Variants in LRRC4C observed in about 807,000 individuals in gnomAD.
LRRC4C encodes leucine rich repeat containing 4C.
In LRRC4C, 5 loss-of-function variants were observed where a neutral mutation model predicts 33.6. The ratio of observed to expected loss-of-function variants is 0.15; its 90% CI spans 0.08 to 0.31. The LOEUF is 0.31. LRRC4C is among the 10% of genes least tolerant of loss of function. LRRC4C has a pLI of 1.00. For missense variants in LRRC4C, 560 were observed against 796.7 expected (o/e 0.70, Z 3.58); for synonymous variants, 329 against 302.0 (o/e 1.09, Z -0.93).
intron 1 of LRRC4C, among the ~76,000 whole-genome samples, chr11:41,118,907 ATC>A (rs1352740554): frequency 1.1e-4 from 16 of 143,674 alleles, no homozygotes; most frequent in Middle Eastern, 3.5e-3. Context: ...TCCTTTTCTT[ATC>A]TTTTTTTTTC....
intron 6 of LRRC4C, among the ~76,000 whole-genome samples, chr11:40,139,936 T>C (rs920191781): frequency 5.9e-5 from 9 of 152,198 alleles, no homozygotes; most frequent in African/African-American, 2.2e-4. Flanking sequence ...TGGGTATTAA[T>C]TTGGCTGCAG....
chr11:40,143,446 T>G (rs1179507789), intron 5 of LRRC4C, among the ~76,000 whole-genome samples: 1 of 152,178 alleles, frequency 6.6e-6, no homozygotes, highest in Non-Finnish European at 1.5e-5. Context: ...TCATATTCAC[T>G]CTGCTCTGAC....
chr11:40,195,458 A>G (rs1862183825), intron 5 of LRRC4C, among the ~76,000 whole-genome samples: 1 of 152,184 alleles, frequency 6.6e-6, no homozygotes, highest in Admixed American at 6.5e-5. Context: ...AGAGAAAAGA[A>G]GAAATAAAAA....
chr11:40,924,646 G>A (rs1957340089), intron 2 of LRRC4C, among the ~76,000 whole-genome samples: 2 of 152,084 alleles, frequency 1.3e-5, no homozygotes, highest in South Asian at 4.1e-4. Flanking sequence ...AGAGGATCTG[G>A]AAGGTTCACA....
chr11:40,668,035 G>A (rs1943907737), intron 2 of LRRC4C, among the ~76,000 whole-genome samples: 1 of 151,978 alleles, frequency 6.6e-6, no homozygotes, highest in African/African-American at 2.4e-5. Context: ...AGTACTTTTT[G>A]AAAAAACATA....
At chr11:41,389,683 C>T (rs940044201) in intron 1 of LRRC4C, among the ~76,000 whole-genome samples, 1 of 127,110 alleles carries the variant, frequency 7.9e-6, no homozygotes, top group African/African-American at 3.0e-5. Context: ...AAAAGAGGTG[C>T]TTCTACTTGC....
chr11:41,319,954 A>G (rs548188782), intron 1 of LRRC4C, among the ~76,000 whole-genome samples: 3 of 152,236 alleles, frequency 2.0e-5, no homozygotes, highest in Admixed American at 2.0e-4. Flanking sequence ...AAATAAAAGT[A>G]ATGGAGTATA....
At chr11:40,239,866 G>T (rs1195868908) in intron 5 of LRRC4C, among the ~76,000 whole-genome samples, 1 of 152,176 alleles carries the variant, frequency 6.6e-6, no homozygotes, top group Non-Finnish European at 1.5e-5. Context: ...TTCTTGAAAA[G>T]ATACTCAGTT....
chr11:41,201,474 C>A (rs994683886), intron 1 of LRRC4C, among the ~76,000 whole-genome samples: 2 of 152,144 alleles, frequency 1.3e-5, no homozygotes, highest in Non-Finnish European at 1.5e-5. Flanking sequence ...GAGCAAAGCT[C>A]ATTTATTTTA....
intron 1 of LRRC4C, among the ~76,000 whole-genome samples, chr11:41,442,751 G>C (rs1463225249): frequency 6.6e-6 from 1 of 151,958 alleles, no homozygotes; most frequent in Non-Finnish European, 1.5e-5. Context: ...TTACAGGCGT[G>C]AGCCACCGCG....
intron 1 of LRRC4C, among the ~76,000 whole-genome samples, chr11:41,232,347 G>A (rs1210558339): frequency 5.3e-5 from 8 of 152,026 alleles, no homozygotes; most frequent in Admixed American, 4.6e-4. Context: ...GCTGTACTGT[G>A]TATTACTGGA....
chr11:40,552,365 T>C (rs1170924230), intron 3 of LRRC4C, among the ~76,000 whole-genome samples: 1 of 152,198 alleles, frequency 6.6e-6, no homozygotes, highest in Non-Finnish European at 1.5e-5. Context: ...CCAGTTGTTT[T>C]ATATGCCCAA....
intron 3 of LRRC4C, among the ~76,000 whole-genome samples, chr11:40,459,385 G>A (rs1353834314): frequency 1.3e-5 from 2 of 151,936 alleles, no homozygotes; most frequent in East Asian, 2.0e-4. Flanking sequence ...CAGCACTCAG[G>A]AATCTGTCAG....
intron 1 of LRRC4C, among the ~76,000 whole-genome samples, chr11:41,192,303 G>T (rs1478841819): frequency 6.7e-6 from 1 of 148,264 alleles, no homozygotes; most frequent in East Asian, 2.1e-4. Flanking sequence ...AATATTGTCT[G>T]GCATACAGCA....
intron 1 of LRRC4C, among the ~76,000 whole-genome samples, chr11:41,381,541 C>A (rs1953149943): frequency 6.6e-6 from 1 of 150,886 alleles, no homozygotes; most frequent in Non-Finnish European, 1.5e-5. Context: ...GCAGGAGAAT[C>A]ATTTGAACTG....
intron 4 of LRRC4C, among the ~76,000 whole-genome samples, chr11:40,311,484 A>T (rs1229759377): frequency 6.6e-6 from 1 of 152,238 alleles, no homozygotes; most frequent in African/African-American, 2.4e-5. Flanking sequence ...ACACAGAGAA[A>T]ATAAGATCAC....
intron 1 of LRRC4C, among the ~76,000 whole-genome samples, chr11:41,121,554 T>C (rs975053069): frequency 6.6e-5 from 10 of 152,196 alleles, no homozygotes; most frequent in Non-Finnish European, 1.0e-4. Flanking sequence ...AGTACATCAT[T>C]AAATGTTAGA....
intron 1 of LRRC4C, among the ~76,000 whole-genome samples, chr11:41,224,749 T>C (rs1947456448): frequency 6.6e-6 from 1 of 152,178 alleles, no homozygotes; most frequent in Non-Finnish European, 1.5e-5. Flanking sequence ...TTAACTGAGA[T>C]GATGTGCCTG....
At chr11:41,059,272 A>G (rs1858888199) in intron 1 of LRRC4C, among the ~76,000 whole-genome samples, 1 of 99,522 alleles carries the variant, frequency 1.0e-5, no homozygotes, top group African/African-American at 3.2e-5. Context: ...TTTGATGACA[A>G]ATAAACAACA....
Sources: allele counts gnomAD v4.1 joint callset (sites outside exome capture counted in the v4.1 genomes callset), GRCh38; gene constraint gnomAD v4.1.1; transcripts MANE v1.5; gene names NCBI Gene and HGNC (gene_info 2026-07-23, HGNC 2026-07-21).